Variants in DIS3L2 observed in about 807,000 individuals in gnomAD.
DIS3L2 encodes DIS3 like 3'-5' exoribonuclease 2.
DIS3L2 carries 34 observed loss-of-function variants against 97.5 expected under a neutral mutation model. The ratio of observed to expected loss-of-function variants is 0.35; its 90% CI spans 0.27 to 0.46. The LOEUF (loss-of-function observed/expected upper bound fraction) is 0.46, where lower values mean the gene tolerates loss of function less well. Among genes scored for constraint, DIS3L2 ranks in the 20% least tolerant of loss-of-function variants. The probability of loss-of-function intolerance (pLI) is 1.00; values close to 1 mark genes in which losing one functional copy is unlikely to be tolerated. For missense variants in DIS3L2, 1,038 were observed against 1,146.0 expected (o/e 0.91, Z 1.36); for synonymous variants, 435 against 445.2 (o/e 0.98, Z 0.29).
chr2:232,333,954 G>C lies in DIS3L2; in HGVS notation c.2125G>C (p.Val709Leu), dbSNP rs199537907. Residue 709 changes from valine to leucine, a missense_variant, in exon 17 of 21, where the codon GTC (valine) becomes CTC (leucine). Physicochemically the swap from Val to Leu is conservative, Grantham distance 32 (BLOSUM62 1). Around this residue, in one of 3 missense-constraint regions of DIS3L2, gnomAD observed 221 missense variants for 246.9 expected, o/e 0.90. Coordinates refer to ENST00000325385, the MANE Select transcript of DIS3L2 (RefSeq NM_152383.5). ...CTCGCCCATCCGCCGCTTTGCCGAC[G>C]TCCTGGTGCACCGCCTCCTGGCTGC... is the stretch of plus-strand genomic sequence containing the variant. ...FTSPIRRFADVLVHRLLAAAL... is the reference protein window; with the variant it reads ...FTSPIRRFADLLVHRLLAAAL... 3 of 1,612,652 alleles carry C rather than the reference G, an allele frequency of 1.9e-6. No homozygotes were observed. The highest frequency in any genetic ancestry group is 1.7e-4 in the Middle Eastern group (1 of 6,060).
At chr2:232,061,759 T>A (rs141904024) in intron 5 of DIS3L2, among the ~76,000 whole-genome samples, 7 of 152,324 alleles carry the variant, frequency 4.6e-5, no homozygotes, top group African/African-American at 1.7e-4. Flanking sequence ...AAATGAAACA[T>A]GACTTTATGT....
intron 5 of DIS3L2, among the ~76,000 whole-genome samples, chr2:232,068,409 TA>T (rs5839428): frequency 0.9 from 121,808 of 134,916 alleles, 54,991 homozygotes; most frequent in East Asian, 0.99. Flanking sequence ...CTATTGCTAC[TA>T]AAAAAAAAAA....
chr2:232,063,163 C>T (rs1029659338), intron 5 of DIS3L2, among the ~76,000 whole-genome samples: 5 of 152,178 alleles, frequency 3.3e-5, no homozygotes, highest in African/African-American at 1.2e-4. Flanking sequence ...CCTCCCCATC[C>T]CCATTGCACC....
At chr2:232,329,169 C>G (rs765592436) in intron 14 of DIS3L2, 3 of 152,472 alleles carry the variant, frequency 2.0e-5, no homozygotes, top group Non-Finnish European at 4.4e-5. Context: ...CTGCCCTGTC[C>G]TCTGGTGAGG....
intron 5 of DIS3L2, among the ~76,000 whole-genome samples, chr2:232,047,670 A>G (rs887335971): frequency 5.3e-5 from 8 of 152,188 alleles, no homozygotes; most frequent in Non-Finnish European, 1.0e-4. Context: ...CTAATTCCAG[A>G]ATATTATTCA....
chr2:232,006,174 G>A (rs80324575), intron 1 of DIS3L2, among the ~76,000 whole-genome samples: 12 of 152,272 alleles, frequency 7.9e-5, no homozygotes, highest in African/African-American at 2.6e-4. Flanking sequence ...GCGACAGAGC[G>A]AGACTCTGCC....
intron 1 of DIS3L2, among the ~76,000 whole-genome samples, chr2:232,003,822 T>C (rs1458165892): frequency 2.0e-5 from 3 of 152,234 alleles, no homozygotes; most frequent in Non-Finnish European, 2.9e-5. Flanking sequence ...TCTGCTGCCA[T>C]TCAAAATGTT....
downstream of DIS3L2, among the ~76,000 whole-genome samples, chr2:232,337,717 T>C (rs959975457): frequency 2.0e-4 from 30 of 151,752 alleles, no homozygotes; most frequent in African/African-American, 6.8e-4. Context: ...TCCTGGGGTG[T>C]CCGGATTAAC....
chr2:232,222,453 A>G (rs184002366), intron 10 of DIS3L2, among the ~76,000 whole-genome samples: 14 of 152,142 alleles, frequency 9.2e-5, no homozygotes, highest in African/African-American at 3.1e-4. Flanking sequence ...TTCTTCATTC[A>G]TCTGGGGCAC....
rs1474512847 is a variant in DIS3L2, at chr2:232,086,661, G to A, written c.367-826G>A. 2.6e-3 allele frequency among the ~76,000 whole-genome samples: 77 copies of A among 29,478 alleles called. 6 individuals are homozygous for A. The highest frequency in any genetic ancestry group is 6.7e-3 in the African/African-American group (54 of 8,108). The allele number at this position is 29,478 out of a possible 152,430, so 19.3% of individuals were successfully genotyped here. A position where few individuals can be genotyped will look rare whatever the true frequency, so the allele number is the denominator to read the frequency against. On this transcript the variant is annotated intron_variant, in intron 5 of 20. Coordinates refer to ENST00000325385, the MANE Select transcript of DIS3L2 (RefSeq NM_152383.5). ...TATATATATGTATATATATATATAT[G>A]TGTGTGTGTGTGTGTGTATATATAT... is the stretch of plus-strand genomic sequence containing the variant.
intron 14 of DIS3L2, among the ~76,000 whole-genome samples, chr2:232,321,517 C>A (rs1695430967): frequency 6.6e-6 from 1 of 152,148 alleles, no homozygotes; most frequent in African/African-American, 2.4e-5. Context: ...GTGGCCCACT[C>A]TGCCCTGCCC....
intron 1 of DIS3L2, among the ~76,000 whole-genome samples, chr2:231,989,369 GTGTGTA>G (rs1466847018): frequency 1.3e-5 from 2 of 151,196 alleles, no homozygotes; most frequent in South Asian, 2.1e-4. Flanking sequence ...GTGTGTGTGT[GTGTGTA>G]TGTGTGTGTT....
At chr2:232,237,405 G>A (rs1391882790) in intron 10 of DIS3L2, among the ~76,000 whole-genome samples, 1 of 152,148 alleles carries the variant, frequency 6.6e-6, no homozygotes, top group African/African-American at 2.4e-5. Context: ...TTACCAGAGG[G>A]AAAAGACAGA....
intron 3 of DIS3L2, among the ~76,000 whole-genome samples, chr2:232,023,846 A>G (rs923214466): frequency 1.3e-5 from 2 of 152,154 alleles, no homozygotes; most frequent in African/African-American, 4.8e-5. Flanking sequence ...CCACTTTGAA[A>G]ATTGTCACAG....
At chr2:232,051,036 T>C (rs1274743608) in intron 5 of DIS3L2, among the ~76,000 whole-genome samples, 2 of 152,210 alleles carry the variant, frequency 1.3e-5, no homozygotes, top group Non-Finnish European at 2.9e-5. Flanking sequence ...AAGGGAACTG[T>C]ATGTTTAAAG....
chr2:232,030,130 A>G, intron 5 of DIS3L2, 50 bp downstream of exon 5: 1 of 1,513,464 alleles, frequency 6.6e-7, no homozygotes, highest in South Asian at 1.2e-5. Context: ...GGTCTTTCAC[A>G]TTCCATGGTG....
At chr2:232,246,601 A>G (rs924540849) in intron 11 of DIS3L2, among the ~76,000 whole-genome samples, 57 of 152,262 alleles carry the variant, frequency 3.7e-4, no homozygotes, top group African/African-American at 1.4e-3. Flanking sequence ...AAATTGTACA[A>G]GAAGCGGTGG....
intron 5 of DIS3L2, among the ~76,000 whole-genome samples, chr2:232,086,210 T>C (rs1185188808): frequency 6.6e-6 from 1 of 151,908 alleles, no homozygotes; most frequent in Non-Finnish European, 1.5e-5. Context: ...TGTATACGTA[T>C]ATATACACAC....
At chr2:232,024,750 C>CTT (rs548299061) in intron 4 of DIS3L2, among the ~76,000 whole-genome samples, 11 of 145,874 alleles carry the variant, frequency 7.5e-5, no homozygotes, top group Non-Finnish European at 1.4e-4. Context: ...ACGTGTAATG[C>CTT]TTTTTTTTTT....
Sources: allele counts gnomAD v4.1 joint callset (sites outside exome capture counted in the v4.1 genomes callset), GRCh38; gene constraint gnomAD v4.1.1; regional missense constraint gnomAD v4.1.1; transcripts MANE v1.5; gene names NCBI Gene and HGNC (gene_info 2026-07-23, HGNC 2026-07-21).